Variants in UCHL5 observed in about 807,000 individuals in gnomAD.
UCHL5 encodes the protein ubiquitin C-terminal hydrolase L5, also known as ubiquitin carboxyl-terminal hydrolase isozyme L5.
In UCHL5, 34 loss-of-function variants were observed where a neutral mutation model predicts 53.8. The ratio of observed to expected loss-of-function variants is 0.63; its 90% CI spans 0.48 to 0.84. UCHL5 has a LOEUF of 0.84. Ranked by LOEUF, UCHL5 falls within the 40% of genes least tolerant of loss-of-function variation. The pLI, the probability that UCHL5 is intolerant of heterozygous loss-of-function variation, is 0.00. For missense variants in UCHL5, 290 were observed against 385.6 expected, an observed-to-expected ratio of 0.75 and a Z score of 2.08; for synonymous variants, 111 against 126.3, an observed-to-expected ratio of 0.88 and a Z score of 0.81.
chr1:193,030,686 A>G (rs1003874662), intron 3 of UCHL5, among the ~76,000 whole-genome samples: 41 of 152,330 alleles, frequency 2.7e-4, no homozygotes, highest in African/African-American at 9.6e-4. Context: ...AGTCTTTCCA[A>G]TAATGCTAAT....
In UCHL5 at chr1:193,059,351, C is replaced by T; in HGVS notation, c.-91G>A. 2.5e-6 allele frequency: 4 copies of T among 1,605,714 alleles called. No individual in the cohort carries two copies. Among genetic ancestry groups the T allele is most frequent in the Non-Finnish European group, 2.6e-6 (3 of 1,176,350 alleles). Reference sequence around the variant, plus strand: ...CGGCCACAGATCTCAGCAAACCCGCCGCCGAGCTCGTCAACCACACGTCAC... The same window carrying T: ...CGGCCACAGATCTCAGCAAACCCGCTGCCGAGCTCGTCAACCACACGTCAC... On this transcript the variant is annotated 5_prime_UTR_variant, in exon 1 of 11. Coordinates refer to ENST00000367454, the MANE Select transcript of UCHL5 (RefSeq NM_001199261.3). The surrounding 1 kb of genome is among the most constrained non-coding windows in gnomAD (Gnocchi z 4.9).
chr1:193,021,391 C>T (rs375775239), intron 9 of UCHL5, among the ~76,000 whole-genome samples, 196 bp from the exon 10 acceptor site: 1 of 152,088 alleles, frequency 6.6e-6, no homozygotes, highest in South Asian at 2.1e-4. Flanking sequence ...GGGCAAGGGC[C>T]TCCTGCCCCT....
At chr1:193,031,336 A>C (rs1421855826) in intron 3 of UCHL5, among the ~76,000 whole-genome samples, 1 of 152,170 alleles carries the variant, frequency 6.6e-6, no homozygotes, top group Non-Finnish European at 1.5e-5. Flanking sequence ...CCAATGCTAA[A>C]CTAGGCAGTG....
At chr1:193,057,776 T>G (rs140612018) in intron 1 of UCHL5, among the ~76,000 whole-genome samples, 1,783 of 152,338 alleles carry the variant, frequency 0.012, 18 homozygotes, top group South Asian at 0.034. Context: ...CCATATACTT[T>G]AACATCACTA....
At chr1:193,016,531 GT>G in intron 10 of UCHL5, 136 bp from the exon 11 acceptor site, 1 of 727,186 alleles carries the variant, frequency 1.4e-6, no homozygotes, top group Non-Finnish European at 2.1e-6. Context: ...AAAGCATTAT[GT>G]TTTATAACTT....
intron 7 of UCHL5, among the ~76,000 whole-genome samples, chr1:193,024,235 C>T (rs1014092855): frequency 1.3e-5 from 2 of 150,942 alleles, no homozygotes; most frequent in Non-Finnish European, 2.9e-5. Flanking sequence ...GAACAAGACC[C>T]TGTCTCTTAA....
upstream of UCHL5, chr1:193,059,619 C>A: frequency 7.1e-7 from 1 of 1,415,890 alleles, no homozygotes; most frequent in South Asian, 1.1e-5. The surrounding 1 kb of genome is among the most constrained non-coding windows in gnomAD (Gnocchi z 4.9). Flanking sequence ...AGGACTCGTT[C>A]CCGGGAACCG....
At chr1:193,055,393 T>A (rs551109640) in intron 1 of UCHL5, among the ~76,000 whole-genome samples, 5 of 152,320 alleles carry the variant, frequency 3.3e-5, no homozygotes, top group African/African-American at 1.2e-4. Context: ...CCTCACTACT[T>A]GTGCAGCATC....
At chr1:193,018,866 T>C in intron 10 of UCHL5, 1 of 1,526,108 alleles carries the variant, frequency 6.6e-7, no homozygotes. Context: ...CTTATCTATT[T>C]CTGAATTCTA....
At chr1:193,041,078 C>T (rs1162061648) in intron 3 of UCHL5, among the ~76,000 whole-genome samples, 2 of 152,118 alleles carry the variant, frequency 1.3e-5, no homozygotes, top group African/African-American at 4.8e-5. Context: ...TTTGACAAAT[C>T]AGTAGGGTGC....
In UCHL5 at chr1:193,015,971, G is replaced by T; in HGVS notation, c.*380C>A. On this transcript the variant is annotated 3_prime_UTR_variant, in exon 11 of 11. Coordinates refer to ENST00000367454, the MANE Select transcript of UCHL5 (RefSeq NM_001199261.3). Reference sequence around the variant, plus strand: ...ATTTTTTTTCCGTTAATGATGAGAAGAAATAAGACAACCAGTTTAATCAAG... The same window carrying T: ...ATTTTTTTTCCGTTAATGATGAGAATAAATAAGACAACCAGTTTAATCAAG... 5.7e-6 allele frequency: 1 copy of T among 175,092 alleles called. No individual in the cohort carries two copies. The highest frequency in any genetic ancestry group is 1.7e-4 in the South Asian group (1 of 5,944). 10.8% of individuals were successfully genotyped at this position (175,092 alleles called of 1,614,324 possible). A position where few individuals can be genotyped will look rare whatever the true frequency, so the allele number is the denominator to read the frequency against.
At chr1:193,018,199 CAA>C (rs908177083) in intron 10 of UCHL5, among the ~76,000 whole-genome samples, 1 of 151,404 alleles carries the variant, frequency 6.6e-6, no homozygotes, top group Non-Finnish European at 1.5e-5. Context: ...AATTGAATCA[CAA>C]AGTCATAGTA....
At position 193,042,804 on chromosome 1, in the gene UCHL5, G is replaced by C. The variant is rs116635269; in HGVS notation, c.246+6942C>G. 1.5e-3 allele frequency among the ~76,000 whole-genome samples: 228 copies of C among 152,180 alleles called. 1 individual carries two copies. Among genetic ancestry groups the C allele is most frequent in the African/African-American group, 4.8e-3 (199 of 41,518 alleles). ...GATAAAGACAAAAGTCTCAATCACAGCCTAAAATACCCTGTAAGATCTGAC... is the reference window on the plus strand; with the variant it reads ...GATAAAGACAAAAGTCTCAATCACACCCTAAAATACCCTGTAAGATCTGAC... On this transcript the variant is annotated intron_variant, in intron 3 of 10. Transcript: ENST00000367454.
At chr1:193,018,189 A>G (rs1655526454) in intron 10 of UCHL5, among the ~76,000 whole-genome samples, 1 of 151,524 alleles carries the variant, frequency 6.6e-6, no homozygotes, top group Admixed American at 6.6e-5. Context: ...ACTTATTACC[A>G]ATTGAATCAC....
intron 3 of UCHL5, among the ~76,000 whole-genome samples, chr1:193,032,085 A>C (rs1488773547): frequency 6.6e-6 from 1 of 152,164 alleles, no homozygotes; most frequent in African/African-American, 2.4e-5. Flanking sequence ...TCTACTTCTT[A>C]CACACAATCC....
At chr1:193,028,266 A>G (rs1660085006) in intron 6 of UCHL5, 118 bp from the exon 7 acceptor site, 1 of 797,052 alleles carries the variant, frequency 1.3e-6, no homozygotes, top group Non-Finnish European at 1.9e-6. Flanking sequence ...TAGAGCAGTA[A>G]AACTCTTTTT....
intron 3 of UCHL5, among the ~76,000 whole-genome samples, chr1:193,037,834 A>G (rs1664077312): frequency 6.6e-6 from 1 of 151,364 alleles, no homozygotes; most frequent in Non-Finnish European, 1.5e-5. Context: ...ACATGTATAC[A>G]TATGTAACAA....
chr1:193,048,310 T>C (rs905059801), intron 3 of UCHL5, among the ~76,000 whole-genome samples: 1 of 152,198 alleles, frequency 6.6e-6, no homozygotes, highest in African/African-American at 2.4e-5. Context: ...AATTTAAAAA[T>C]TAGAAGTTTG....
chr1:193,027,920 T>A (rs1399392485), intron 7 of UCHL5, 165 bp downstream of exon 7: 3 of 1,474,258 alleles, frequency 2.0e-6, no homozygotes, highest in Non-Finnish European at 2.7e-6. Flanking sequence ...CTCAGGAGTC[T>A]GAGACCAGCC....
Sources: allele counts gnomAD v4.1 joint callset (sites outside exome capture counted in the v4.1 genomes callset), GRCh38; gene constraint gnomAD v4.1.1; non-coding constraint Gnocchi (gnomAD v3.1); transcripts MANE v1.5; gene names NCBI Gene and HGNC (gene_info 2026-07-23, HGNC 2026-07-21).